The following GALNTL6 variants were observed in gnomAD, a reference collection of about 807,000 sequenced individuals.
GALNTL6 encodes polypeptide N-acetylgalactosaminyltransferase-like 6.
In GALNTL6, 46 loss-of-function variants were observed where a neutral mutation model predicts 73.7. The ratio of observed to expected loss-of-function variants is 0.62; its 90% CI spans 0.49 to 0.80. The LOEUF is 0.80. GALNTL6 is among the 30% of genes least tolerant of loss of function. The probability of loss-of-function intolerance (pLI) is 0.00; values close to 1 mark genes in which losing one functional copy is unlikely to be tolerated. For missense variants in GALNTL6, 604 were observed against 755.0 expected, an observed-to-expected ratio of 0.80 and a Z score of 2.34; for synonymous variants, 259 against 263.7, an observed-to-expected ratio of 0.98 and a Z score of 0.17.
intron 5 of GALNTL6, among the ~76,000 whole-genome samples, chr4:172,515,645 C>A (rs931613668): frequency 3.9e-5 from 6 of 152,218 alleles, no homozygotes; most frequent in African/African-American, 1.4e-4. Context: ...CAGGGGAGTT[C>A]TGCAGCTGTC....
At chr4:172,319,170 G>T (rs1740672832) in intron 4 of GALNTL6, among the ~76,000 whole-genome samples, 1 of 152,174 alleles carries the variant, frequency 6.6e-6, no homozygotes, top group Non-Finnish European at 1.5e-5. Context: ...TAAAGAGAAT[G>T]CTGGAGCTTC....
intron 10 of GALNTL6, among the ~76,000 whole-genome samples, chr4:173,005,245 T>C (rs1752222985): frequency 6.6e-6 from 1 of 152,186 alleles, no homozygotes; most frequent in Non-Finnish European, 1.5e-5. Context: ...TTTTCCTCAT[T>C]TTTCTCCTTC....
At chr4:172,585,819 A>G (rs1560822137) in intron 5 of GALNTL6, among the ~76,000 whole-genome samples, 1 of 152,170 alleles carries the variant, frequency 6.6e-6, no homozygotes, top group Non-Finnish European at 1.5e-5. Context: ...CAAGAAAAAA[A>G]CAAAGAACCC....
intron 5 of GALNTL6, among the ~76,000 whole-genome samples, chr4:172,357,085 C>T (rs2111231210): frequency 6.6e-6 from 1 of 152,184 alleles, no homozygotes; most frequent in African/African-American, 2.4e-5. Context: ...ATCATAATGA[C>T]TTTAGCACAC....
intron 2 of GALNTL6, among the ~76,000 whole-genome samples, chr4:172,157,959 A>G (rs115156135): frequency 1.1e-4 from 17 of 152,326 alleles, no homozygotes; most frequent in Non-Finnish European, 2.4e-4. Context: ...TAAATGATTC[A>G]TGTTGCGTCC....
intron 2 of GALNTL6, among the ~76,000 whole-genome samples, chr4:172,077,927 G>T (rs1261474199): frequency 2.0e-5 from 3 of 152,286 alleles, no homozygotes; most frequent in South Asian, 4.1e-4. Context: ...TCAGAACAGG[G>T]CGCCCTGCAT....
chr4:172,682,665 G>A (rs17308944), intron 5 of GALNTL6, among the ~76,000 whole-genome samples: 64,031 of 151,946 alleles, frequency 0.42, 15,664 homozygotes, highest in East Asian at 0.68. Context: ...GGAAATGCCA[G>A]TAGAAGCTAG....
Position 171,847,257 on chromosome 4 carries a change from G to T in GALNTL6, c.138+32539G>T, listed in dbSNP as rs116580463. ...GAGTTTCCCAGTGCATATGAAAGTT[G>T]TGTTTACACTATACTATAGTCTATT... On this transcript the variant is annotated intron_variant, in intron 2 of 12. Coordinates refer to ENST00000506823, the MANE Select transcript of GALNTL6 (RefSeq NM_001034845.3). 6.1e-3 allele frequency among the ~76,000 whole-genome samples: 930 copies of T among 152,210 alleles called. 12 individuals carry two copies. Among genetic ancestry groups the T allele is most frequent in the African/African-American group, 0.021 (861 of 41,534 alleles).
At chr4:172,935,293 A>G (rs1335801559) in intron 9 of GALNTL6, among the ~76,000 whole-genome samples, 3 of 152,236 alleles carry the variant, frequency 2.0e-5, no homozygotes, top group African/African-American at 7.2e-5. Context: ...AAATCTGTAT[A>G]CTGCTGTATT....
chr4:172,284,240 G>A (rs979565046), intron 3 of GALNTL6, among the ~76,000 whole-genome samples: 1 of 152,030 alleles, frequency 6.6e-6, no homozygotes, highest in African/African-American at 2.4e-5. Context: ...CCCTATTTTT[G>A]CAATAGTTAA....
At chr4:172,132,293 A>G in intron 2 of GALNTL6, among the ~76,000 whole-genome samples, 1 of 152,236 alleles carries the variant, frequency 6.6e-6, no homozygotes, top group East Asian at 1.9e-4. Flanking sequence ...AGTATTTGAA[A>G]ACACCCAATT....
chr4:171,944,805 A>G (rs1404821876), intron 2 of GALNTL6, among the ~76,000 whole-genome samples: 4 of 151,652 alleles, frequency 2.6e-5, no homozygotes, highest in South Asian at 4.2e-4. Flanking sequence ...GCATTATACA[A>G]AGATACTTAA....
chr4:172,845,437 G>A (rs913689823), intron 7 of GALNTL6, among the ~76,000 whole-genome samples: 16 of 152,092 alleles, frequency 1.1e-4, no homozygotes. Context: ...ACTGTGGGTG[G>A]GAGGACATGG....
chr4:172,369,070 C>T (rs1742683649), intron 5 of GALNTL6, among the ~76,000 whole-genome samples: 1 of 152,086 alleles, frequency 6.6e-6, no homozygotes. Context: ...GCAGCCTGCT[C>T]TTATTCCCTT....
At chr4:172,502,232 A>G (rs1734287468) in intron 5 of GALNTL6, among the ~76,000 whole-genome samples, 1 of 151,910 alleles carries the variant, frequency 6.6e-6, no homozygotes, top group Non-Finnish European at 1.5e-5. Flanking sequence ...ATTCTTCACA[A>G]CTCCAGCTAG....
At chr4:172,023,639 T>C (rs72984504) in intron 2 of GALNTL6, among the ~76,000 whole-genome samples, 2,155 of 152,016 alleles carry the variant, frequency 0.014, 53 homozygotes, top group African/African-American at 0.049. Flanking sequence ...AATTCATCTC[T>C]AGAAATCAAT....
At chr4:171,897,865 T>C (rs1027862350) in intron 2 of GALNTL6, among the ~76,000 whole-genome samples, 3 of 149,830 alleles carry the variant, frequency 2.0e-5, no homozygotes, top group Non-Finnish European at 4.4e-5. Flanking sequence ...AGGCGGAGGT[T>C]GTAGTGAGCC....
rs577177859 is a variant in GALNTL6, at chr4:172,297,805, T to C, written c.248-13809T>C. Among the ~76,000 whole-genome samples the C allele has an allele frequency of 3.9e-5, 6 of 152,282 alleles. No homozygotes were observed. In the South Asian group the frequency reaches 1.2e-3, roughly 32 times the overall value. ...TGGCATGATGCCTCCAGCTTTGTTCTTTTGGCTTAGGATTGACTTGGCAAT... is the reference window on the plus strand; with the variant it reads ...TGGCATGATGCCTCCAGCTTTGTTCCTTTGGCTTAGGATTGACTTGGCAAT... On this transcript the variant is annotated intron_variant, in intron 3 of 12. Coordinates refer to ENST00000506823, the MANE Select transcript of GALNTL6 (RefSeq NM_001034845.3).
chr4:171,819,263 A>G (rs1221036290), intron 2 of GALNTL6, among the ~76,000 whole-genome samples: 3 of 152,140 alleles, frequency 2.0e-5, no homozygotes, highest in Non-Finnish European at 4.4e-5. Context: ...CAGAATCACT[A>G]CAGGGTGGCA....
Sources: gnomAD v4.1 joint callset for allele counts (sites outside exome capture counted in the v4.1 genomes callset) on GRCh38, gnomAD v4.1.1 for gene constraint, MANE v1.5 for transcripts, NCBI Gene and HGNC (gene_info 2026-07-23, HGNC 2026-07-21) for gene names.